TOMM34: variants seen among roughly 807,000 people sequenced by gnomAD.
TOMM34 encodes the protein translocase of outer mitochondrial membrane 34, also known as mitochondrial import receptor subunit TOM34.
Under a neutral mutation model 37.4 loss-of-function variants are expected in TOMM34, and 24 were observed. The ratio of observed to expected loss-of-function variants is 0.64; its 90% CI spans 0.46 to 0.90. The LOEUF is 0.90. TOMM34 is among the 40% of genes least tolerant of loss of function. The pLI, the probability that TOMM34 is intolerant of heterozygous loss-of-function variation, is 0.00. For missense variants in TOMM34, 304 were observed against 375.6 expected (o/e 0.81, Z 1.58); for synonymous variants, 154 against 148.9 (o/e 1.03, Z -0.25).
intron 5 of TOMM34, among the ~76,000 whole-genome samples, chr20:44,946,970 A>G (rs1179932710): frequency 6.6e-6 from 1 of 152,232 alleles, no homozygotes; most frequent in African/African-American, 2.4e-5. Flanking sequence ...GACCAGCCCT[A>G]TAAGATATTA....
At chr20:44,958,380 C>T (rs763000618) in intron 1 of TOMM34, 3 of 471,476 alleles carry the variant, frequency 6.4e-6, no homozygotes, top group Non-Finnish European at 1.3e-5. Flanking sequence ...TACATCCTTG[C>T]CCTTAAGGAG....
At chr20:44,960,091 G>GGGGCTGGAAGGGTGGGA in intron 1 of TOMM34, 116 bp downstream of exon 1, 2 of 1,401,874 alleles carry the variant, frequency 1.4e-6, no homozygotes, top group South Asian at 1.6e-5. Context: ...GGAGTCGGAA[G>GGGGCTGGAAGGGTGGGA]GGGCTGGAAG....
chr20:44,945,273 T>C (rs2145593701), intron 5 of TOMM34, among the ~76,000 whole-genome samples: 1 of 152,324 alleles, frequency 6.6e-6, no homozygotes, highest in Middle Eastern at 3.4e-3. Context: ...AATTCATAAA[T>C]TAACGGAGAG....
intron 4 of TOMM34, 120 bp downstream of exon 4, chr20:44,951,713 T>C (rs1192707061): frequency 3.8e-5 from 48 of 1,263,806 alleles, no homozygotes; most frequent in Non-Finnish European, 5.1e-5. Context: ...TTTTGTTTTA[T>C]ACTTTGTTCC....
chr20:44,943,095 GC>G lies in TOMM34; in HGVS notation c.*13del, dbSNP rs2066949179. 6.2e-7 allele frequency: 1 copy of G among 1,613,468 alleles called. No individual in the cohort carries two copies. ...GTAAGGTCAGGCAGGGGTTCCAGTT[GC>G]CCTGTTGGGTTTTTAGTGTAGGTTC... On this transcript the variant is annotated 3_prime_UTR_variant, in exon 7 of 7. Transcript: ENST00000372813.
chr20:44,957,409 G>C (rs2067083529), intron 1 of TOMM34, among the ~76,000 whole-genome samples: 1 of 152,102 alleles, frequency 6.6e-6, no homozygotes. Flanking sequence ...CCTGACCTCA[G>C]GCAATCCGCC....
At position 44,948,888 on chromosome 20, in the gene TOMM34, AT is replaced by A. The variant is rs758419199; in HGVS notation, c.551-12del. 1.4e-5 allele frequency: 23 copies of A among 1,613,126 alleles called. No individual in the cohort carries two copies. The highest frequency in any genetic ancestry group is 1.8e-5 in the Non-Finnish European group (21 of 1,179,826). The stretch of plus-strand genomic sequence containing the variant: ...CCCCAGCAGAAGGCACTAGATACAA[AT>A]TCAGAAGAGGAAAAAAACCATGGAG... On this transcript the variant is annotated splice_polypyrimidine_tract_variant and intron_variant, in intron 4 of 6. Transcript: ENST00000372813.
chr20:44,950,464 A>G lies in TOMM34; in HGVS notation c.550+1369T>C, dbSNP rs115408764. 4.0e-3 allele frequency among the ~76,000 whole-genome samples: 614 copies of G among 152,302 alleles called. 4 individuals carry two copies. The highest frequency in any genetic ancestry group is 0.014 in the African/African-American group (595 of 41,554). On this transcript the variant is annotated intron_variant, in intron 4 of 6. Coordinates refer to ENST00000372813, the MANE Select transcript of TOMM34 (RefSeq NM_006809.5). Reference sequence around the variant, plus strand: ...CATGTCTCAGTCCCTCAACTGAGGGAGAGTTCCCTGAGGGCCAAGACTGTC... The same window carrying G: ...CATGTCTCAGTCCCTCAACTGAGGGGGAGTTCCCTGAGGGCCAAGACTGTC...
intron 1 of TOMM34, among the ~76,000 whole-genome samples, chr20:44,957,936 CCCAA>C (rs1354184623): frequency 6.6e-6 from 1 of 152,060 alleles, no homozygotes; most frequent in African/African-American, 2.4e-5. Context: ...AGCTATGGCA[CCCAA>C]CCCTTAAAAA....
At chr20:44,948,662 CAGTCCA>C in intron 5 of TOMM34, 62 bp downstream of exon 5, 1 of 1,574,002 alleles carries the variant, frequency 6.4e-7, no homozygotes, top group Non-Finnish European at 8.7e-7. Context: ...GGGCCCATTG[CAGTCCA>C]AGAGAAGACT....
At chr20:44,945,480 G>T (rs1316490286) in intron 5 of TOMM34, among the ~76,000 whole-genome samples, 1 of 152,202 alleles carries the variant, frequency 6.6e-6, no homozygotes, top group Admixed American at 6.5e-5. Flanking sequence ...TTCCACCTTG[G>T]TCTCTGGAAA....
At chr20:44,952,798 T>C (rs905475434) in intron 3 of TOMM34, 4 of 658,688 alleles carry the variant, frequency 6.1e-6, no homozygotes, top group Admixed American at 2.3e-5. Context: ...TACAACCATG[T>C]TTCCTATATT....
At chr20:44,955,760 C>T (rs2067066674) in intron 2 of TOMM34, among the ~76,000 whole-genome samples, 1 of 152,240 alleles carries the variant, frequency 6.6e-6, no homozygotes, top group Non-Finnish European at 1.5e-5. Context: ...TCAGCACAGG[C>T]TCTGTGAGTA....
Position 44,956,420 on chromosome 20 carries a change from C to T in TOMM34, c.193G>A (p.Gly65Arg). 1 of 1,614,202 alleles carries T rather than the reference C, an allele frequency of 6.2e-7. No individual in the cohort carries two copies. The highest frequency in any genetic ancestry group is 8.5e-7 in the Non-Finnish European group (1 of 1,180,036). The change falls in exon 2 of 7, where the codon GGA becomes AGA. Residue 65 changes from glycine to arginine, a missense_variant. Gly to Arg is a moderately radical substitution (Grantham distance 125). Coordinates refer to ENST00000372813, the MANE Select transcript of TOMM34 (RefSeq NM_006809.5). Reference sequence around the variant, plus strand: ...TCTTTGATGCAGTCTCTGCAGTTTCCATCCTTCAAGTGACATGCTGCTCGG... The same window carrying T: ...TCTTTGATGCAGTCTCTGCAGTTTCTATCCTTCAAGTGACATGCTGCTCGG... ...SNRAACHLKDGNCRDCIKDCT... is the reference protein window; with the variant it reads ...SNRAACHLKDRNCRDCIKDCT...
chr20:44,959,608 A>G (rs999958092), intron 1 of TOMM34, among the ~76,000 whole-genome samples: 8 of 151,948 alleles, frequency 5.3e-5, no homozygotes, highest in Admixed American at 1.3e-4. Context: ...CCATGTTTAT[A>G]TCGTCTTGGA....
intron 2 of TOMM34, chr20:44,955,501 C>T (rs1194482745): frequency 9.1e-6 from 5 of 549,144 alleles, no homozygotes; most frequent in Non-Finnish European, 1.7e-5. Context: ...ACAAAAGCCT[C>T]ATGGCTTTCA....
intron 2 of TOMM34, 81 bp from the exon 3 acceptor site, chr20:44,955,301 T>G: frequency 1.3e-6 from 2 of 1,540,312 alleles, no homozygotes; most frequent in East Asian, 4.5e-5. Flanking sequence ...GGCAGGGTTA[T>G]CTGGAGCACT....
rs1221203313 is a variant in TOMM34 at position 44,942,888 on chromosome 20, T to C, written c.*221A>G. On this transcript the variant is annotated 3_prime_UTR_variant, in exon 7 of 7. Transcript: ENST00000372813. Reference sequence around the variant, plus strand: ...GCTTCAGCTTCACGCTTAGCTCTAGTGGGGACCTTTCTGGTGCAACAACCA... The same window carrying C: ...GCTTCAGCTTCACGCTTAGCTCTAGCGGGGACCTTTCTGGTGCAACAACCA... The C allele has an allele frequency of 6.7e-6, 4 of 597,950 alleles. No individual in the cohort carries two copies. In the South Asian group the frequency reaches 8.1e-5, roughly 12 times the overall value. The allele number at this position is 597,950 out of a possible 1,614,324, so 37.0% of individuals were successfully genotyped here.
chr20:44,955,720 A>T, intron 2 of TOMM34: 1 of 439,942 alleles, frequency 2.3e-6, no homozygotes, highest in Non-Finnish European at 4.6e-6. Context: ...CAAAGAGGGA[A>T]ATCTGGCACA....
Sources: gnomAD v4.1 joint callset for allele counts (sites outside exome capture counted in the v4.1 genomes callset) on GRCh38, gnomAD v4.1.1 for gene constraint, MANE v1.5 for transcripts, NCBI Gene and HGNC (gene_info 2026-07-23, HGNC 2026-07-21) for gene names.